Variants in FAM168B observed in about 807,000 individuals in gnomAD.
The protein encoded by FAM168B is family with sequence similarity 168 member B.
A neutral mutation model predicts 21.8 loss-of-function variants in FAM168B; 19 were observed. The ratio of observed to expected loss-of-function variants is 0.87; its 90% CI spans 0.61 to 1.28. The LOEUF is 1.28. Among genes scored for constraint, FAM168B ranks in the 50% most tolerant of loss-of-function variants. The probability of loss-of-function intolerance (pLI) is 0.00; values close to 1 mark genes in which losing one functional copy is unlikely to be tolerated. For synonymous variants in FAM168B, 126 were observed against 104.8 expected, an observed-to-expected ratio of 1.20 and a Z score of -1.24; for missense variants, 233 against 263.1, an observed-to-expected ratio of 0.89 and a Z score of 0.79.
chr2:131,048,883 T>C lies in FAM168B; in HGVS notation c.*3582A>G. The C allele has an allele frequency of 1.0e-6, 1 of 985,988 alleles. No homozygotes were observed. Among genetic ancestry groups the C allele is most frequent in the Non-Finnish European group, 1.2e-6 (1 of 830,078 alleles). The allele number at this position is 985,988 out of a possible 1,614,324, so 61.1% of individuals were successfully genotyped here. A position where few individuals can be genotyped will look rare whatever the true frequency, so the allele number is the denominator to read the frequency against. On this transcript the variant is annotated 3_prime_UTR_variant, in exon 7 of 7. Transcript: ENST00000389915. ...TGCGCCCAATGGAGGTCCTGTCCTG[T>C]CCGGGCAACAGCCAAACTGGCGACA... is the stretch of plus-strand genomic sequence containing the variant.
intron 3 of FAM168B, 123 bp downstream of exon 3, chr2:131,071,732 C>T (rs561908129): frequency 3.1e-4 from 248 of 807,368 alleles, no homozygotes; most frequent in Non-Finnish European, 4.7e-4. Flanking sequence ...AACAGGCTAA[C>T]TTAATGAACT....
Position 131,086,934 on chromosome 2 carries a change from G to A in FAM168B, c.-11-4277C>T, listed in dbSNP as rs1295527372. 3.1e-5 allele frequency among the ~76,000 whole-genome samples: 4 copies of A among 129,320 alleles called. 2 individuals are homozygous for A. Among genetic ancestry groups the A allele is most frequent in the East Asian group, 4.2e-4 (2 of 4,750 alleles). 84.8% of individuals were successfully genotyped at this position (129,320 alleles called of 152,430 possible). A position where few individuals can be genotyped will look rare whatever the true frequency, so the allele number is the denominator to read the frequency against. Reference sequence around the variant, plus strand: ...CAAAAAATTAGCCGGGCGAGGTGGCGGGCGCCTGTAGTCCCAGCTACTCGG... The same window carrying A: ...CAAAAAATTAGCCGGGCGAGGTGGCAGGCGCCTGTAGTCCCAGCTACTCGG... On this transcript the variant is annotated intron_variant, in intron 1 of 6. Transcript: ENST00000389915.
Position 131,049,761 on chromosome 2 carries a change from T to C in FAM168B, c.*2704A>G. The C allele has an allele frequency of 1.0e-6, 1 of 985,898 alleles. No homozygotes were observed. The highest frequency in any genetic ancestry group is 1.2e-6 in the Non-Finnish European group (1 of 829,946). The allele number at this position is 985,898 out of a possible 1,614,324, so 61.1% of individuals were successfully genotyped here. A position where few individuals can be genotyped will look rare whatever the true frequency, so the allele number is the denominator to read the frequency against. The stretch of plus-strand genomic sequence containing the variant: ...AGCTGAAGGACTCCCAAATTAGGAA[T>C]GTCAAACACACAAAAAGCAAATTTC... On this transcript the variant is annotated 3_prime_UTR_variant, in exon 7 of 7. Coordinates refer to ENST00000389915, the MANE Select transcript of FAM168B (RefSeq NM_001009993.4).
chr2:131,087,063 CAAAAAA>C lies in FAM168B; in HGVS notation c.-11-4412_-11-4407del, dbSNP rs70994735. Among the ~76,000 whole-genome samples the C allele has an allele frequency of 1.5e-4, 6 of 40,672 alleles. 1 individual carries two copies. Among genetic ancestry groups the C allele is most frequent in the African/African-American group, 1.4e-3 (5 of 3,688 alleles). The allele number at this position is 40,672 out of a possible 152,430, so 26.7% of individuals were successfully genotyped here. On this transcript the variant is annotated intron_variant, in intron 1 of 6. Transcript: ENST00000389915. ...CCTGGGCGACAGCGAGACTCCGTCT[CAAAAAA>C]AAAAAAAAAAAAAAAAGAGTCACAA... is the stretch of plus-strand genomic sequence containing the variant.
In FAM168B at chr2:131,088,427, C is replaced by T. The variant is rs143594416; in HGVS notation, c.-12+4787G>A. Among the ~76,000 whole-genome samples, 11 of 148,722 alleles carry T rather than the reference C, an allele frequency of 7.4e-5. No individual in the cohort carries two copies. In the East Asian group the frequency reaches 9.9e-4, roughly 13 times the overall value. On this transcript the variant is annotated intron_variant, in intron 1 of 6. Coordinates refer to ENST00000389915, the MANE Select transcript of FAM168B (RefSeq NM_001009993.4). ...AGGCAATGGTGGGGGGAAAAGGGGG[C>T]GGGAGAGGAGGAAGGCCAGATAATT...
intron 3 of FAM168B, among the ~76,000 whole-genome samples, chr2:131,061,738 C>G (rs1049835042): frequency 4.6e-5 from 7 of 150,622 alleles, no homozygotes; most frequent in Non-Finnish European, 1.0e-4. Context: ...GCAGAGACTG[C>G]GGCAATGCAC....
chr2:131,048,244 G>A lies in FAM168B; in HGVS notation c.*4221C>T. On this transcript the variant is annotated 3_prime_UTR_variant, in exon 7 of 7. Coordinates refer to ENST00000389915, the MANE Select transcript of FAM168B (RefSeq NM_001009993.4). ...ATGAGGCTCTCTAGGGCCTCTCCGT[G>A]TGGCCAGCACAGCAACCCTGCTAGG... The A allele has an allele frequency of 7.7e-7, 1 of 1,303,956 alleles. No individual in the cohort carries two copies. Among genetic ancestry groups the A allele is most frequent in the Non-Finnish European group, 1.0e-6 (1 of 988,724 alleles). 80.8% of individuals were successfully genotyped at this position (1,303,956 alleles called of 1,614,324 possible).
At chr2:131,073,696 T>C (rs1207068027) in intron 2 of FAM168B, among the ~76,000 whole-genome samples, 1 of 152,148 alleles carries the variant, frequency 6.6e-6, no homozygotes, top group Non-Finnish European at 1.5e-5. Flanking sequence ...AAGAGCCTAA[T>C]AAATTTCTGT....
At chr2:131,076,106 C>T (rs1693140712) in intron 2 of FAM168B, among the ~76,000 whole-genome samples, 1 of 152,180 alleles carries the variant, frequency 6.6e-6, no homozygotes, top group Non-Finnish European at 1.5e-5. Flanking sequence ...ACCCCCAACA[C>T]TGCTTTAGCT....
rs547746200 is a variant in FAM168B, at chr2:131,049,353, T to G, written c.*3112A>C. 5.7e-5 allele frequency: 56 copies of G among 985,502 alleles called. No homozygotes were observed. The highest frequency in any genetic ancestry group is 6.5e-5 in the Non-Finnish European group (54 of 829,998). The allele number at this position is 985,502 out of a possible 1,614,324, so 61.0% of individuals were successfully genotyped here. A position where few individuals can be genotyped will look rare whatever the true frequency, so the allele number is the denominator to read the frequency against. ...CCCATTGCCTGTGAACACATTTGCA[T>G]AGCACTCAAGAAGGTTTCCCAGAAT... On this transcript the variant is annotated 3_prime_UTR_variant, in exon 7 of 7. Coordinates refer to ENST00000389915, the MANE Select transcript of FAM168B (RefSeq NM_001009993.4).
chr2:131,049,415 C>T lies in FAM168B; in HGVS notation c.*3050G>A, dbSNP rs559197255. 9 of 985,412 alleles carry T rather than the reference C, an allele frequency of 9.1e-6. No homozygotes were observed. The South Asian group carries it at 2.8e-4, about 31-fold the overall frequency. The allele number at this position is 985,412 out of a possible 1,614,324, so 61.0% of individuals were successfully genotyped here. On this transcript the variant is annotated 3_prime_UTR_variant, in exon 7 of 7. Coordinates refer to ENST00000389915, the MANE Select transcript of FAM168B (RefSeq NM_001009993.4). Reference sequence around the variant, plus strand: ...GGCCTACAAACCACACCAAGAAGAACGTTCTTAACAGATGGCTCACGAGAG... The same window carrying T: ...GGCCTACAAACCACACCAAGAAGAATGTTCTTAACAGATGGCTCACGAGAG...
chr2:131,065,169 A>G (rs1692492527), intron 3 of FAM168B, among the ~76,000 whole-genome samples: 1 of 152,214 alleles, frequency 6.6e-6, no homozygotes, highest in Non-Finnish European at 1.5e-5. Flanking sequence ...GAACAGCAGA[A>G]ACATGTCATG....
chr2:131,083,907 T>TATTTA (rs1693548106), intron 1 of FAM168B, among the ~76,000 whole-genome samples: 1 of 150,920 alleles, frequency 6.6e-6, no homozygotes, highest in Non-Finnish European at 1.5e-5. Context: ...TTTATTTATT[T>TATTTA]ATTTATTTAT....
chr2:131,079,969 T>C (rs562031419), intron 2 of FAM168B, among the ~76,000 whole-genome samples: 309 of 151,898 alleles, frequency 2.0e-3, no homozygotes, highest in Non-Finnish European at 3.6e-3. Context: ...ATACAAACAT[T>C]AGCTGGGCAT....
At position 131,051,868 on chromosome 2, in the gene FAM168B, G is replaced by C; in HGVS notation, c.*597C>G. 2 of 985,346 alleles carry C rather than the reference G, an allele frequency of 2.0e-6. No homozygotes were observed. The highest frequency in any genetic ancestry group is 5.2e-4 in the Middle Eastern group (1 of 1,914). The allele number at this position is 985,346 out of a possible 1,614,324, so 61.0% of individuals were successfully genotyped here. On this transcript the variant is annotated 3_prime_UTR_variant, in exon 7 of 7. Transcript: ENST00000389915. ...GCTTCCCTACTCTCTCCCAAACCTC[G>C]CAACTCCCTCCCAGGACAGTCAGTG...
intron 3 of FAM168B, among the ~76,000 whole-genome samples, chr2:131,067,542 A>G (rs1038455276): frequency 2.0e-5 from 3 of 152,118 alleles, no homozygotes; most frequent in African/African-American, 7.2e-5. Context: ...GGAATTTGAA[A>G]CCAGCTTGGG....
At chr2:131,062,436 C>T (rs1290647900) in intron 3 of FAM168B, among the ~76,000 whole-genome samples, 1 of 152,128 alleles carries the variant, frequency 6.6e-6, no homozygotes, top group African/African-American at 2.4e-5. Flanking sequence ...CCAATCCAAT[C>T]ACCCAAGGTG....
Position 131,082,663 on chromosome 2 carries a change from AG to A in FAM168B, c.-11-7del, listed in dbSNP as rs909294539. 1.9e-6 allele frequency: 3 copies of A among 1,581,230 alleles called. No individual in the cohort carries two copies. Among genetic ancestry groups the A allele is most frequent in the Non-Finnish European group, 2.6e-6 (3 of 1,165,688 alleles). Reference sequence around the variant, plus strand: ...AGGATTCATGATTTCAAAAACTAAAAGAAAAAAAAGGGAATTTAGCCAAGCA... The same window carrying A: ...AGGATTCATGATTTCAAAAACTAAAAAAAAAAAAGGGAATTTAGCCAAGCA... On this transcript the variant is annotated splice_region_variant and splice_polypyrimidine_tract_variant and intron_variant, in intron 1 of 6. Transcript: ENST00000389915.
intron 3 of FAM168B, among the ~76,000 whole-genome samples, chr2:131,063,151 G>C (rs1425330060): frequency 6.6e-6 from 1 of 151,662 alleles, no homozygotes; most frequent in African/African-American, 2.4e-5. Context: ...ACTTTTCTGT[G>C]ACATCTGAAA....
Sources: allele counts gnomAD v4.1 joint callset (sites outside exome capture counted in the v4.1 genomes callset), GRCh38; gene constraint gnomAD v4.1.1; transcripts MANE v1.5; gene names NCBI Gene and HGNC (gene_info 2026-07-23, HGNC 2026-07-21).